FBXO15: variants seen among roughly 807,000 people sequenced by gnomAD.
FBXO15 encodes F-box only protein 15.
Under a neutral mutation model 49.5 loss-of-function variants are expected in FBXO15, and 30 were observed. That is an observed-to-expected ratio of 0.61 (90% CI 0.45 to 0.82). The LOEUF (loss-of-function observed/expected upper bound fraction) is 0.82, where lower values mean the gene tolerates loss of function less well. FBXO15 is among the 40% of genes least tolerant of loss of function. The pLI is 0.00. For missense variants in FBXO15, 591 were observed against 631.5 expected, an observed-to-expected ratio of 0.94 and a Z score of 0.69; for synonymous variants, 250 against 232.7, an observed-to-expected ratio of 1.07 and a Z score of -0.68.
At chr18:74,096,912 T>C (rs1258213532) in intron 8 of FBXO15, 1 of 152,248 alleles carries the variant, frequency 6.6e-6, no homozygotes, top group Non-Finnish European at 1.5e-5. Context: ...GTACCCAAGC[T>C]ATGGAAGTAG....
intron 4 of FBXO15, among the ~76,000 whole-genome samples, chr18:74,130,197 T>G (rs933722369): frequency 6.6e-6 from 1 of 152,238 alleles, no homozygotes; most frequent in African/African-American, 2.4e-5. Context: ...CTGTTATTAT[T>G]GTTTCAAGTT....
At chr18:74,144,781 C>A (rs1168132753) in intron 1 of FBXO15, among the ~76,000 whole-genome samples, 1 of 152,168 alleles carries the variant, frequency 6.6e-6, no homozygotes, top group Non-Finnish European at 1.5e-5. Flanking sequence ...CCACCCACTA[C>A]AACTACTCGT....
Position 74,074,359 on chromosome 18 carries a change from T to G in FBXO15, c.1264-629A>C, listed in dbSNP as rs1001978645. On this transcript the variant is annotated intron_variant, in intron 9 of 9. Coordinates refer to ENST00000419743, the MANE Select transcript of FBXO15 (RefSeq NM_001142958.2). The surrounding 1 kb of genome is among the most constrained non-coding windows in gnomAD (Gnocchi z 4.7). Reference sequence around the variant, plus strand: ...TTCCAAGTCTCACTGTCATCCCAAGTGATCCCAACATCCGTGGGGACCCTG... The same window carrying G: ...TTCCAAGTCTCACTGTCATCCCAAGGGATCCCAACATCCGTGGGGACCCTG... Among the ~76,000 whole-genome samples, 16 of 152,208 alleles carry G rather than the reference T, an allele frequency of 1.1e-4. No individual in the cohort carries two copies. Among genetic ancestry groups the G allele is most frequent in the Non-Finnish European group, 2.1e-4 (14 of 68,036 alleles).
chr18:74,075,683 G>C lies in FBXO15; in HGVS notation c.1264-1953C>G, dbSNP rs1025707445. 6.6e-6 allele frequency among the ~76,000 whole-genome samples: 1 copy of C among 152,200 alleles called. No individual in the cohort carries two copies. Among genetic ancestry groups the C allele is most frequent in the African/African-American group, 2.4e-5 (1 of 41,454 alleles). ...AGGCCACTAAATCCAGTGACCATCT[G>C]TCAGTCTGCTTCTCAGCAGTGTTTA... On this transcript the variant is annotated intron_variant, in intron 9 of 9. Coordinates refer to ENST00000419743, the MANE Select transcript of FBXO15 (RefSeq NM_001142958.2). This position sits in a 1 kb window ranked among gnomAD's most constrained non-coding sequence, Gnocchi z 4.1.
rs138714253 is a variant in FBXO15, at chr18:74,074,807, G to A, written c.1264-1077C>T. ...TGTGTGGTCTGTATATGCCCATACCGCAGTGGATATGTAAAAAGGCCTGAA... is the reference window on the plus strand; with the variant it reads ...TGTGTGGTCTGTATATGCCCATACCACAGTGGATATGTAAAAAGGCCTGAA... On this transcript the variant is annotated intron_variant, in intron 9 of 9. Transcript: ENST00000419743. The surrounding 1 kb of genome is among the most constrained non-coding windows in gnomAD (Gnocchi z 4.7). Among the ~76,000 whole-genome samples the A allele has an allele frequency of 2.0e-3, 305 of 152,238 alleles. 2 individuals carry two copies. Among genetic ancestry groups the A allele is most frequent in the African/African-American group, 7.0e-3 (290 of 41,540 alleles).
intron 8 of FBXO15, among the ~76,000 whole-genome samples, chr18:74,112,180 T>C (rs1354651248): frequency 6.6e-6 from 1 of 152,216 alleles, no homozygotes; most frequent in African/African-American, 2.4e-5. Context: ...TACTTGCTAA[T>C]TCACTCTATG....
intron 1 of FBXO15, among the ~76,000 whole-genome samples, chr18:74,142,407 G>GTC (rs1270222658): frequency 1.3e-5 from 2 of 152,056 alleles, no homozygotes; most frequent in Non-Finnish European, 2.9e-5. Flanking sequence ...AATTGCATTC[G>GTC]TCTCCTAAGA....
intron 5 of FBXO15, among the ~76,000 whole-genome samples, chr18:74,126,660 A>G (rs533154955): frequency 2.8e-4 from 42 of 152,336 alleles, no homozygotes; most frequent in African/African-American, 9.9e-4. Context: ...AGACACTAAC[A>G]CAGCATTAGA....
chr18:74,147,740 G>T lies in FBXO15; in HGVS notation c.46C>A (p.Leu16Ile). The T allele has an allele frequency of 6.5e-7, 1 of 1,536,712 alleles. No individual in the cohort carries two copies. Among genetic ancestry groups the T allele is most frequent in the Non-Finnish European group, 8.7e-7 (1 of 1,143,354 alleles). The change falls in exon 1 of 10, where the codon CTC (leucine) becomes ATC (isoleucine). Residue 16 changes from leucine (L) to isoleucine (I), a missense_variant. Coordinates refer to ENST00000419743, the MANE Select transcript of FBXO15 (RefSeq NM_001142958.2). ...CTGCTGGGCCCGCGCAGCGTCTGGA[G>T]GCCGAGCCAGTGCTGCTGCAAGATC... ...GRILQQHWLG[L>I]QTLRGPSRGG...
At chr18:74,132,083 C>T (rs1487027794) in intron 3 of FBXO15, among the ~76,000 whole-genome samples, 1 of 152,210 alleles carries the variant, frequency 6.6e-6, no homozygotes, top group African/African-American at 2.4e-5. Flanking sequence ...TCTGCAAAAT[C>T]ACTTCATGCC....
intron 4 of FBXO15, 55 bp downstream of exon 4, chr18:74,130,361 C>G: frequency 2.5e-6 from 4 of 1,602,138 alleles, no homozygotes; most frequent in Non-Finnish European, 1.7e-6. Flanking sequence ...ATACGTCCTA[C>G]GTACACGATA....
intron 7 of FBXO15, among the ~76,000 whole-genome samples, chr18:74,124,160 G>C (rs1465196406): frequency 1.3e-5 from 2 of 152,198 alleles, no homozygotes; most frequent in Non-Finnish European, 2.9e-5. Flanking sequence ...CAAGGGCCAT[G>C]AGTCTACATG....
chr18:74,109,833 A>C (rs991832292), intron 8 of FBXO15, among the ~76,000 whole-genome samples: 17 of 148,684 alleles, frequency 1.1e-4, no homozygotes, highest in African/African-American at 2.5e-4. Flanking sequence ...CTGTCAGGGG[A>C]TGGGGGGCTG....
chr18:74,081,901 A>T, intron 9 of FBXO15, 26 bp downstream of exon 9: 1 of 1,533,126 alleles, frequency 6.5e-7, no homozygotes, highest in Non-Finnish European at 8.7e-7. Context: ...AGTTACTTGA[A>T]GAAAAGAAAA....
At chr18:74,077,807 G>C (rs981292671) in intron 9 of FBXO15, among the ~76,000 whole-genome samples, 1 of 152,164 alleles carries the variant, frequency 6.6e-6, no homozygotes, top group African/African-American at 2.4e-5. Context: ...AGGCTCTGAG[G>C]TCTAAGCACC....
chr18:74,140,028 G>C (rs1289598501), intron 2 of FBXO15, among the ~76,000 whole-genome samples, 174 bp downstream of exon 2: 3 of 152,186 alleles, frequency 2.0e-5, no homozygotes, highest in Non-Finnish European at 2.9e-5. Context: ...ATCTCATAAG[G>C]ATAGTGGTGA....
In FBXO15 at chr18:74,126,008, G is replaced by A. The variant is rs1914692656; in HGVS notation, c.879C>T (p.Cys293=). Residue 293 remains cysteine, a synonymous_variant, in exon 6 of 10, where the codon TGC becomes TGT. Transcript: ENST00000419743. Reference sequence around the variant, plus strand: ...CTCCCACCAGGAGGCCAGGGTGCAGGCAGAAGATCCGAATGAGTCTGTCAC... The same window carrying A: ...CTCCCACCAGGAGGCCAGGGTGCAGACAGAAGATCCGAATGAGTCTGTCAC... ...IGCDRLIRIF[C]LHPGLLVGVW... The A allele has an allele frequency of 6.2e-7, 1 of 1,613,972 alleles. No homozygotes were observed. The highest frequency in any genetic ancestry group is 1.7e-5 in the Admixed American group (1 of 60,006).
Position 74,074,870 on chromosome 18 carries a change from C to G in FBXO15, c.1264-1140G>C, listed in dbSNP as rs905991734. ...TGGACCTAGCCCACCCACTAGCCAG[C>G]CCTTCCTTCTCCCGCCTCTTCCTTT... On this transcript the variant is annotated intron_variant, in intron 9 of 9. Coordinates refer to ENST00000419743, the MANE Select transcript of FBXO15 (RefSeq NM_001142958.2). This position sits in a 1 kb window ranked among gnomAD's most constrained non-coding sequence, Gnocchi z 4.7. Among the ~76,000 whole-genome samples, 3 of 152,316 alleles carry G rather than the reference C, an allele frequency of 2.0e-5. No homozygotes were observed. In the Middle Eastern group the frequency reaches 0.01, roughly 518 times the overall value.
In FBXO15 at chr18:74,130,430, G is replaced by A. The variant is rs1978326934; in HGVS notation, c.561C>T (p.Thr187=). The change falls in exon 4 of 10, where the codon ACC becomes ACT. Residue 187 remains threonine (T), a synonymous_variant. Transcript: ENST00000419743. ...ACACTGCGTACCTGAGGGCCTCTTT[G>A]GTCTTAACTGGAAGGCCTGTGTAAG... is the stretch of plus-strand genomic sequence containing the variant. The part of the protein sequence containing the change: ...VNPYTGLPVK[T]KEALRIFGLG... 1.2e-6 allele frequency: 2 copies of A among 1,614,146 alleles called. No individual in the cohort carries two copies. The highest frequency in any genetic ancestry group is 1.7e-6 in the Non-Finnish European group (2 of 1,180,018).
Sources: allele counts gnomAD v4.1 joint callset (sites outside exome capture counted in the v4.1 genomes callset), GRCh38; gene constraint gnomAD v4.1.1; non-coding constraint Gnocchi (gnomAD v3.1); transcripts MANE v1.5; gene names NCBI Gene and HGNC (gene_info 2026-07-23, HGNC 2026-07-21).